Variants in ADAMTS12 observed in about 807,000 individuals in gnomAD.
ADAMTS12 encodes ADAM metallopeptidase with thrombospondin type 1 motif 12.
A neutral mutation model predicts 167.8 loss-of-function variants in ADAMTS12; 118 were observed. The ratio of observed to expected loss-of-function variants is 0.70; its 90% CI spans 0.61 to 0.82. ADAMTS12 has a LOEUF of 0.82. Among genes scored for constraint, ADAMTS12 ranks in the 40% least tolerant of loss-of-function variants. The pLI is 0.00. For missense variants in ADAMTS12, 1,916 were observed against 1,998.8 expected, an observed-to-expected ratio of 0.96 and a Z score of 0.79; for synonymous variants, 704 against 716.9, an observed-to-expected ratio of 0.98 and a Z score of 0.29.
At chr5:33,596,128 T>TC in intron 16 of ADAMTS12, 68 bp from the exon 17 acceptor site, 2 of 1,568,182 alleles carry the variant, frequency 1.3e-6, no homozygotes, top group Non-Finnish European at 1.7e-6. Flanking sequence ...TCAGGTGAGG[T>TC]ACCTGACCAC....
intron 2 of ADAMTS12, among the ~76,000 whole-genome samples, chr5:33,798,896 A>G (rs1413807101): frequency 6.6e-6 from 1 of 152,186 alleles, no homozygotes; most frequent in African/African-American, 2.4e-5. Context: ...AGTCTATAAC[A>G]GATAGCATCA....
chr5:33,729,356 T>C (rs930193259), intron 3 of ADAMTS12, among the ~76,000 whole-genome samples: 1 of 152,240 alleles, frequency 6.6e-6, no homozygotes, highest in African/African-American at 2.4e-5. Flanking sequence ...ATATTTGATC[T>C]ACCTCACTGG....
chr5:33,863,645 A>G (rs1359822798), intron 2 of ADAMTS12, among the ~76,000 whole-genome samples: 16 of 152,224 alleles, frequency 1.1e-4, no homozygotes, highest in Admixed American at 9.2e-4. Flanking sequence ...TAATTTATAG[A>G]TTCAATGCTA....
intron 20 of ADAMTS12, among the ~76,000 whole-genome samples, chr5:33,557,890 T>G (rs550748576): frequency 6.6e-6 from 1 of 152,012 alleles, no homozygotes; most frequent in African/African-American, 2.4e-5. Context: ...TAGATTCTCA[T>G]AGGGATGCAA....
chr5:33,552,019 A>G, intron 20 of ADAMTS12, among the ~76,000 whole-genome samples: 1 of 152,222 alleles, frequency 6.6e-6, no homozygotes, highest in East Asian at 1.9e-4. Context: ...AAGACTGGTA[A>G]ATGCCCTGTT....
intron 3 of ADAMTS12, among the ~76,000 whole-genome samples, chr5:33,696,574 G>T (rs947531250): frequency 2.6e-5 from 4 of 152,122 alleles, no homozygotes; most frequent in Admixed American, 6.6e-5. Flanking sequence ...CAGCCTGGTT[G>T]GTTTTTCCCT....
chr5:33,781,285 G>A (rs763631577), intron 2 of ADAMTS12, among the ~76,000 whole-genome samples: 3 of 151,780 alleles, frequency 2.0e-5, no homozygotes, highest in Admixed American at 6.6e-5. Flanking sequence ...ATATATACAC[G>A]CATATCTTAA....
At chr5:33,644,601 C>T (rs892967167) in intron 9 of ADAMTS12, among the ~76,000 whole-genome samples, 1 of 151,964 alleles carries the variant, frequency 6.6e-6, no homozygotes, top group Non-Finnish European at 1.5e-5. Context: ...TTTATTATCC[C>T]TATATAAAAA....
chr5:33,568,224 C>A (rs917755997), intron 19 of ADAMTS12, among the ~76,000 whole-genome samples: 3 of 152,160 alleles, frequency 2.0e-5, no homozygotes, highest in East Asian at 1.9e-4. Flanking sequence ...CCTTTTCTAC[C>A]TCTGAAGCTG....
chr5:33,608,172 C>T (rs1170759929), intron 16 of ADAMTS12, among the ~76,000 whole-genome samples: 1 of 152,164 alleles, frequency 6.6e-6, no homozygotes, highest in Non-Finnish European at 1.5e-5. Context: ...TTAGAATAAA[C>T]CAGTAAGTAG....
At chr5:33,546,875 T>C (rs749445584) in intron 21 of ADAMTS12, among the ~76,000 whole-genome samples, 3 of 152,194 alleles carry the variant, frequency 2.0e-5, no homozygotes, top group Non-Finnish European at 4.4e-5. Context: ...GGAAAAGCAT[T>C]TTGAAAAATC....
At chr5:33,716,696 C>G (rs1486369652) in intron 3 of ADAMTS12, among the ~76,000 whole-genome samples, 1 of 152,118 alleles carries the variant, frequency 6.6e-6, no homozygotes, top group Non-Finnish European at 1.5e-5. Flanking sequence ...CAAAGGAACA[C>G]AGTTCAGCCA....
At chr5:33,760,564 T>C (rs893478655) in intron 2 of ADAMTS12, among the ~76,000 whole-genome samples, 4 of 152,194 alleles carry the variant, frequency 2.6e-5, no homozygotes, top group Admixed American at 2.6e-4. Flanking sequence ...CTGACATACA[T>C]GCTGAAGAAA....
At chr5:33,581,579 T>C (rs936410337) in intron 18 of ADAMTS12, among the ~76,000 whole-genome samples, 2 of 152,148 alleles carry the variant, frequency 1.3e-5, no homozygotes, top group African/African-American at 2.4e-5. Flanking sequence ...AGTGAATACT[T>C]TGGGCATTAA....
chr5:33,843,908 T>C (rs186545306), intron 2 of ADAMTS12, among the ~76,000 whole-genome samples: 1 of 152,296 alleles, frequency 6.6e-6, no homozygotes, highest in East Asian at 1.9e-4. Context: ...TTGCAGGAAG[T>C]CAGGGACCCC....
chr5:33,857,924 A>C (rs955966392), intron 2 of ADAMTS12, among the ~76,000 whole-genome samples: 1 of 152,224 alleles, frequency 6.6e-6, no homozygotes, highest in Non-Finnish European at 1.5e-5. Context: ...GGAGACTTCA[A>C]TACTTCTATC....
At chr5:33,570,864 G>C (rs1746300318) in intron 19 of ADAMTS12, among the ~76,000 whole-genome samples, 1 of 150,940 alleles carries the variant, frequency 6.6e-6, no homozygotes, top group Non-Finnish European at 1.5e-5. Context: ...CTCACGTGCA[G>C]AGACACACAT....
In ADAMTS12 at chr5:33,561,099, G is replaced by A; in HGVS notation, c.4053C>T (p.Ile1351=). ...ATCTTTTTGCAGGGTCAGGTCTCTG[G>A]ATGGCCGCACAGTCAGAATCCATCT... ...STQMDSDCAA[I]QRPDPAKRCH... Residue 1351 remains isoleucine (I), a synonymous_variant, in exon 20 of 24, where the codon ATC becomes ATT. Coordinates refer to ENST00000504830, the MANE Select transcript of ADAMTS12 (RefSeq NM_030955.4). 1 of 1,614,120 alleles carries A rather than the reference G, an allele frequency of 6.2e-7. No homozygotes were observed. The highest frequency in any genetic ancestry group is 1.6e-4 in the Middle Eastern group (1 of 6,062).
intron 2 of ADAMTS12, among the ~76,000 whole-genome samples, chr5:33,788,512 A>G (rs1162559863): frequency 6.6e-6 from 1 of 152,118 alleles, no homozygotes; most frequent in Non-Finnish European, 1.5e-5. Flanking sequence ...GGTGCACACA[A>G]AAAGCAAATG....
Sources: allele counts gnomAD v4.1 joint callset (sites outside exome capture counted in the v4.1 genomes callset), GRCh38; gene constraint gnomAD v4.1.1; transcripts MANE v1.5; gene names NCBI Gene and HGNC (gene_info 2026-07-23, HGNC 2026-07-21).